Variants in PFDN1 observed in about 807,000 individuals in gnomAD.
PFDN1 encodes prefoldin 1.
A neutral mutation model predicts 17.3 loss-of-function variants in PFDN1; 6 were observed. The observed-to-expected ratio is 0.35, with a 90% CI of 0.19 to 0.69. The LOEUF (loss-of-function observed/expected upper bound fraction) is 0.69. Ranked by LOEUF, PFDN1 falls within the 30% of genes least tolerant of loss-of-function variation. PFDN1 has a pLI of 0.65. For missense variants in PFDN1, 113 were observed against 146.2 expected (o/e 0.77, Z 1.17); for synonymous variants, 58 against 50.1 (o/e 1.16, Z -0.67).
chr5:140,281,340 A>G lies in PFDN1; in HGVS notation c.285+109T>C, dbSNP rs185992969. 63 of 623,786 alleles carry G rather than the reference A, an allele frequency of 1.0e-4. No individual in the cohort carries two copies. In the African/African-American group the frequency reaches 1.1e-3, roughly 11 times the overall value. 38.6% of individuals were successfully genotyped at this position (623,786 alleles called of 1,614,324 possible). A position where few individuals can be genotyped will look rare whatever the true frequency, so the allele number is the denominator to read the frequency against. On this transcript the variant is annotated intron_variant, in intron 3 of 3. Transcript: ENST00000261813. ...CTCCAACGTAATTATAGAAAATAAA[A>G]ATAATATGACATTACTTTGGCAGGC...
At chr5:140,260,757 A>G (rs528152818) in intron 3 of PFDN1, among the ~76,000 whole-genome samples, 46 of 151,986 alleles carry the variant, frequency 3.0e-4, no homozygotes, top group Admixed American at 5.2e-4. Flanking sequence ...AGAATTAGAC[A>G]GTGGTGATGA....
intron 3 of PFDN1, chr5:140,273,835 A>C: frequency 1.1e-6 from 1 of 870,806 alleles, no homozygotes; most frequent in Non-Finnish European, 1.4e-6. Flanking sequence ...TGTTGGAGAC[A>C]GAGGGGAAGG....
At chr5:140,246,196 C>G in intron 3 of PFDN1, 139 bp from the exon 4 acceptor site, 2 of 653,636 alleles carry the variant, frequency 3.1e-6, no homozygotes, top group Non-Finnish European at 5.6e-6. Context: ...CAGGTACACA[C>G]ACCTGCCCAC....
At chr5:140,251,819 GT>G (rs1273383034) in intron 3 of PFDN1, among the ~76,000 whole-genome samples, 2 of 152,062 alleles carry the variant, frequency 1.3e-5, no homozygotes, top group Non-Finnish European at 2.9e-5. Context: ...AGGGGCTGGT[GT>G]TTCATTCTCA....
intron 3 of PFDN1, among the ~76,000 whole-genome samples, chr5:140,264,272 G>C (rs1765107118): frequency 6.6e-6 from 1 of 151,888 alleles, no homozygotes; most frequent in East Asian, 1.9e-4. Flanking sequence ...CCAACACTGG[G>C]GATCACATTT....
intron 2 of PFDN1, among the ~76,000 whole-genome samples, chr5:140,292,214 C>T (rs931112615): frequency 1.3e-5 from 2 of 152,070 alleles, no homozygotes; most frequent in African/African-American, 4.8e-5. Flanking sequence ...TATTCCATAA[C>T]TTTTTCCAAG....
At chr5:140,286,526 A>AAAAG (rs1203650830) in intron 2 of PFDN1, among the ~76,000 whole-genome samples, 2 of 148,050 alleles carry the variant, frequency 1.4e-5, no homozygotes, top group African/African-American at 2.5e-5. Context: ...ATGGGACTGG[A>AAAAG]AAAGAAAGAG....
intron 2 of PFDN1, among the ~76,000 whole-genome samples, chr5:140,299,745 T>C (rs1410227232): frequency 2.0e-5 from 3 of 151,934 alleles, no homozygotes; most frequent in Non-Finnish European, 4.4e-5. Context: ...CCGGGTGTGG[T>C]GACTCATATC....
chr5:140,246,064 T>A lies in PFDN1; in HGVS notation c.286-7A>T. 1 of 1,530,876 alleles carries A rather than the reference T, an allele frequency of 6.5e-7. No individual in the cohort carries two copies. The allele number at this position is 1,530,876 out of a possible 1,614,324, so 94.8% of individuals were successfully genotyped here. ...CCAGGTAGGACTTTTTCTGCTGCAA[T>A]ATGAGAGACAGACAAAGGTTAGGAC... On this transcript the variant is annotated splice_polypyrimidine_tract_variant and splice_region_variant and intron_variant, in intron 3 of 3. Coordinates refer to ENST00000261813, the MANE Select transcript of PFDN1 (RefSeq NM_002622.5).
chr5:140,259,053 T>C (rs1765027146), intron 3 of PFDN1, among the ~76,000 whole-genome samples: 1 of 152,090 alleles, frequency 6.6e-6, no homozygotes, highest in Non-Finnish European at 1.5e-5. Context: ...AGGAGGGAAA[T>C]GTGTGTCATA....
intron 3 of PFDN1, among the ~76,000 whole-genome samples, chr5:140,280,005 A>C (rs1429691133): frequency 4.9e-5 from 7 of 142,860 alleles, no homozygotes; most frequent in Admixed American, 4.1e-4. Context: ...CAAAAAAAAA[A>C]AAAAAAAACA....
Position 140,264,020 on chromosome 5 carries a change from C to CAAAAAAAAAAAAAAAAAAAAAAAAA in PFDN1, c.285+17404_285+17428dup, listed in dbSNP as rs58605224. ...TGGGGGTCAGAGTGAGACTCCATCT[C>CAAAAAAAAAAAAAAAAAAAAAAAAA]AAAAAAAAAAAAAAAAAAAAAAAAA... On this transcript the variant is annotated intron_variant, in intron 3 of 3. Transcript: ENST00000261813. Among the ~76,000 whole-genome samples, 4 of 55,578 alleles carry CAAAAAAAAAAAAAAAAAAAAAAAAA rather than the reference C, an allele frequency of 7.2e-5. 1 individual carries two copies. Among genetic ancestry groups the CAAAAAAAAAAAAAAAAAAAAAAAAA allele is most frequent in the Non-Finnish European group, 6.7e-5 (2 of 30,048 alleles). 36.5% of individuals were successfully genotyped at this position (55,578 alleles called of 152,430 possible).
rs779049738 is a variant in PFDN1, at chr5:140,246,031, G to A, written c.312C>T (p.Ser104=). The change falls in exon 4 of 4, where the codon AGC becomes AGT. Residue 104 remains serine, a synonymous_variant. Coordinates refer to ENST00000261813, the MANE Select transcript of PFDN1 (RefSeq NM_002622.5). ...LEQKKSYLER[S]VKEAEDNIRE... ...GGATGTTGTCCTCAGCTTCCTTAACGCTTCGCTCCAGGTAGGACTTTTTCT... is the reference window on the plus strand; with the variant it reads ...GGATGTTGTCCTCAGCTTCCTTAACACTTCGCTCCAGGTAGGACTTTTTCT... 25 of 1,561,898 alleles carry A rather than the reference G, an allele frequency of 1.6e-5. No homozygotes were observed. The South Asian group carries it at 2.6e-4, about 16-fold the overall frequency.
chr5:140,302,555 G>C (rs1765764537), intron 1 of PFDN1, among the ~76,000 whole-genome samples: 1 of 152,190 alleles, frequency 6.6e-6, no homozygotes, highest in South Asian at 2.1e-4. Flanking sequence ...CTGCTACAAT[G>C]CTTGGTTTTC....
chr5:140,270,233 T>C (rs894750746), intron 3 of PFDN1, among the ~76,000 whole-genome samples: 1 of 152,068 alleles, frequency 6.6e-6, no homozygotes, highest in African/African-American at 2.4e-5. Context: ...AGCCTGAAAA[T>C]GATTTGAGGA....
intron 3 of PFDN1, among the ~76,000 whole-genome samples, chr5:140,256,152 G>A (rs1764982237): frequency 6.6e-6 from 1 of 152,108 alleles, no homozygotes; most frequent in Middle Eastern, 3.4e-3. Context: ...CTCAGCTTCC[G>A]AATGCTGCAT....
At position 140,245,621 on chromosome 5, in the gene PFDN1, A is replaced by T. The variant is rs1345093282; in HGVS notation, c.*353T>A. 3 of 700,462 alleles carry T rather than the reference A, an allele frequency of 4.3e-6. No homozygotes were observed. Among genetic ancestry groups the T allele is most frequent in the African/African-American group, 1.7e-5 (1 of 57,152 alleles). 43.4% of individuals were successfully genotyped at this position (700,462 alleles called of 1,614,324 possible). A position where few individuals can be genotyped will look rare whatever the true frequency, so the allele number is the denominator to read the frequency against. On this transcript the variant is annotated 3_prime_UTR_variant, in exon 4 of 4. Coordinates refer to ENST00000261813, the MANE Select transcript of PFDN1 (RefSeq NM_002622.5). ...CTGTTCCATCCCTCTGCTCAAGAAAACCAGGCTTAGCAGAGTGGGACAGAC... is the reference window on the plus strand; with the variant it reads ...CTGTTCCATCCCTCTGCTCAAGAAATCCAGGCTTAGCAGAGTGGGACAGAC...
intron 2 of PFDN1, among the ~76,000 whole-genome samples, chr5:140,295,649 ATG>A (rs1765641975): frequency 6.6e-6 from 1 of 152,200 alleles, no homozygotes; most frequent in Non-Finnish European, 1.5e-5. Context: ...AAAAGACTGG[ATG>A]GAATATAGCT....
rs538170107 is a variant in PFDN1 at position 140,266,186 on chromosome 5, A to G, written c.285+15263T>C. On this transcript the variant is annotated intron_variant, in intron 3 of 3. Transcript: ENST00000261813. ...GCCTTAATCACAGGCCCAAAACTTCAGTTTTTCCAACTCTCTTCTTTTACT... is the reference window on the plus strand; with the variant it reads ...GCCTTAATCACAGGCCCAAAACTTCGGTTTTTCCAACTCTCTTCTTTTACT... 2.0e-5 allele frequency among the ~76,000 whole-genome samples: 3 copies of G among 152,282 alleles called. No individual in the cohort carries two copies. In the East Asian group the frequency reaches 5.8e-4, roughly 29 times the overall value.
Sources: allele counts gnomAD v4.1 joint callset (sites outside exome capture counted in the v4.1 genomes callset), GRCh38; gene constraint gnomAD v4.1.1; transcripts MANE v1.5; gene names NCBI Gene and HGNC (gene_info 2026-07-23, HGNC 2026-07-21).